Variants in DHRS3 observed in about 807,000 individuals in gnomAD.
DHRS3 encodes short-chain dehydrogenase/reductase 3.
In DHRS3, 14 loss-of-function variants were observed where a neutral mutation model predicts 27.2. The observed-to-expected ratio is 0.52, with a 90% confidence interval of 0.34 to 0.81. DHRS3 has a LOEUF of 0.81. Ranked by LOEUF, DHRS3 falls within the 30% of genes least tolerant of loss-of-function variation. The probability of loss-of-function intolerance (pLI) is 0.01; values close to 1 mark genes in which losing one functional copy is unlikely to be tolerated. For synonymous variants in DHRS3, 165 were observed against 175.9 expected (o/e 0.94, Z 0.49); for missense variants, 322 against 406.2 (o/e 0.79, Z 1.78).
chr1:12,596,831 T>C (rs1048893986), intron 1 of DHRS3, among the ~76,000 whole-genome samples: 2 of 152,114 alleles, frequency 1.3e-5, no homozygotes, highest in African/African-American at 4.8e-5. Flanking sequence ...GTCAGAAGCC[T>C]CAGGTGCAGG....
intron 1 of DHRS3, chr1:12,596,066 C>T (rs965964828): frequency 1.3e-5 from 2 of 152,458 alleles, no homozygotes; most frequent in Admixed American, 1.3e-4. Context: ...CACACGCGCT[C>T]CTCCGCCGGC....
intron 1 of DHRS3, among the ~76,000 whole-genome samples, chr1:12,589,254 G>A (rs1158902049): frequency 6.6e-6 from 1 of 152,172 alleles, no homozygotes; most frequent in Non-Finnish European, 1.5e-5. Context: ...ACCCTTTCTC[G>A]AGTAGAGCAG....
At chr1:12,585,337 C>G (rs1480317821) in intron 1 of DHRS3, among the ~76,000 whole-genome samples, 4 of 145,088 alleles carry the variant, frequency 2.8e-5, no homozygotes, top group African/African-American at 1.0e-4. Context: ...CTCTGTGTGT[C>G]TGTGTCTCTG....
chr1:12,599,427 C>T lies in DHRS3; in HGVS notation c.195+17727G>A, dbSNP rs543352722. Among the ~76,000 whole-genome samples, 354 of 152,392 alleles carry T rather than the reference C, an allele frequency of 2.3e-3. 1 individual carries two copies. Among genetic ancestry groups the T allele is most frequent in the Non-Finnish European group, 3.6e-3 (247 of 68,032 alleles). ...CTCAGAGAGCATCACATCCCTCCAA[C>T]ATCAGAGAATTCTGTGGAAAATCAG... On this transcript the variant is annotated intron_variant, in intron 1 of 5. Coordinates refer to ENST00000616661, the MANE Select transcript of DHRS3 (RefSeq NM_004753.7).
intron 1 of DHRS3, among the ~76,000 whole-genome samples, chr1:12,612,368 A>G (rs1646916348): frequency 6.6e-6 from 1 of 151,432 alleles, no homozygotes; most frequent in Non-Finnish European, 1.5e-5. Flanking sequence ...TGAGGTGTAA[A>G]CTCCCTGCTT....
rs142666360 is a variant in DHRS3, at chr1:12,609,018, G to A, written c.195+8136C>T. 4.6e-5 allele frequency among the ~76,000 whole-genome samples: 7 copies of A among 152,312 alleles called. No individual in the cohort carries two copies. The East Asian group carries it at 5.8e-4, about 13-fold the overall frequency. On this transcript the variant is annotated intron_variant, in intron 1 of 5. Coordinates refer to ENST00000616661, the MANE Select transcript of DHRS3 (RefSeq NM_004753.7). ...ACATGGACACAATACCCCAGAAGTCGTTTGACAAAGTAGGACTGAAAAGCA... is the reference window on the plus strand; with the variant it reads ...ACATGGACACAATACCCCAGAAGTCATTTGACAAAGTAGGACTGAAAAGCA...
chr1:12,604,372 T>A (rs1646855950), intron 1 of DHRS3, among the ~76,000 whole-genome samples: 1 of 152,236 alleles, frequency 6.6e-6, no homozygotes, highest in Non-Finnish European at 1.5e-5. Context: ...TTACCCTGCT[T>A]GTCAGTTTAC....
rs70987260 is a variant in DHRS3, at chr1:12,614,702, C to CTTTT, written c.195+2448_195+2451dup. Among the ~76,000 whole-genome samples the CTTTT allele has an allele frequency of 4.7e-3, 434 of 92,644 alleles. 13 individuals carry two copies. The highest frequency in any genetic ancestry group is 0.018 in the African/African-American group (403 of 22,806). The allele number at this position is 92,644 out of a possible 152,430, so 60.8% of individuals were successfully genotyped here. Reference sequence around the variant, plus strand: ...AGCTCTTTGCAGAGACTCTGGTACACTTTTTTTTTTTTTTTTTTTTTGCTT... The same window carrying CTTTT: ...AGCTCTTTGCAGAGACTCTGGTACACTTTTTTTTTTTTTTTTTTTTTTTTTGCTT... On this transcript the variant is annotated intron_variant, in intron 1 of 5. Transcript: ENST00000616661.
intron 5 of DHRS3, among the ~76,000 whole-genome samples, chr1:12,571,250 T>C (rs182238089): frequency 2.7e-3 from 408 of 152,332 alleles, no homozygotes; most frequent in African/African-American, 9.3e-3. Flanking sequence ...TGGAAAGTTC[T>C]AGGGGAATAG....
At chr1:12,587,603 A>C (rs1477971779) in intron 1 of DHRS3, among the ~76,000 whole-genome samples, 1 of 152,032 alleles carries the variant, frequency 6.6e-6, no homozygotes, top group Non-Finnish European at 1.5e-5. Flanking sequence ...GTGGCTTAGG[A>C]GGCTGAGGTG....
Position 12,617,895 on chromosome 1 carries a change from C to CT in DHRS3, c.-548dup, listed in dbSNP as rs1480271240. Among the ~76,000 whole-genome samples, 1 of 112,652 alleles carries CT rather than the reference C, an allele frequency of 8.9e-6. No individual in the cohort carries two copies. The highest frequency in any genetic ancestry group is 3.5e-5 in the African/African-American group (1 of 28,690). The allele number at this position is 112,652 out of a possible 152,430, so 73.9% of individuals were successfully genotyped here. A position where few individuals can be genotyped will look rare whatever the true frequency, so the allele number is the denominator to read the frequency against. ...AAAAAAAAAGTGGGGGGAAAAAGTGCTTGGAGCTCCCAATTTCAGCCCGCG... is the reference window on the plus strand; with the variant it reads ...AAAAAAAAAGTGGGGGGAAAAAGTGCTTTGGAGCTCCCAATTTCAGCCCGCG... On this transcript the variant is annotated 5_prime_UTR_variant, in exon 1 of 6. Transcript: ENST00000616661.
At chr1:12,583,383 CCCAT>C (rs747557934) in intron 1 of DHRS3, among the ~76,000 whole-genome samples, 31 of 138,180 alleles carry the variant, frequency 2.2e-4, no homozygotes, top group African/African-American at 4.3e-4. Flanking sequence ...CCCACCCCAC[CCCAT>C]CCATCCATCC....
Position 12,579,541 on chromosome 1 carries a change from T to A in DHRS3, c.340-129A>T, listed in dbSNP as rs1267372606. On this transcript the variant is annotated intron_variant, in intron 2 of 5. Transcript: ENST00000616661. ...TCCAGGCTGGAGTGCAGTGGCACCA[T>A]CTCGGCTCACTGCCACCTCCGCCTC... 47 of 1,376,650 alleles carry A rather than the reference T, an allele frequency of 3.4e-5. No individual in the cohort carries two copies. The East Asian group carries it at 1.2e-3, about 35-fold the overall frequency. The allele number at this position is 1,376,650 out of a possible 1,614,324, so 85.3% of individuals were successfully genotyped here.
intron 1 of DHRS3, among the ~76,000 whole-genome samples, chr1:12,601,121 T>C (rs1169227048): frequency 2.0e-5 from 3 of 151,986 alleles, no homozygotes; most frequent in Non-Finnish European, 4.4e-5. Context: ...AAGATGAGTG[T>C]TGTCCTTCCA....
rs572153933 is a variant in DHRS3 at position 12,591,029 on chromosome 1, C to T, written c.196-10363G>A. ...ATCGTGCGATTCTGTGGTTTTGTCC[C>T]ACTCAAGGCTGTTTCTAGGGGAGGA... On this transcript the variant is annotated intron_variant, in intron 1 of 5. Coordinates refer to ENST00000616661, the MANE Select transcript of DHRS3 (RefSeq NM_004753.7). This position sits in a 1 kb window ranked among gnomAD's most constrained non-coding sequence, Gnocchi z 4.1. 6.6e-6 allele frequency among the ~76,000 whole-genome samples: 1 copy of T among 152,310 alleles called. No homozygotes were observed. Among genetic ancestry groups the T allele is most frequent in the South Asian group, 2.1e-4 (1 of 4,830 alleles).
rs777915818 is a variant in DHRS3, at chr1:12,578,838, G to A, written c.578C>T (p.Ala193Val). ...PGAIDYCTSK[A>V]SAFAFMESLT... ...GCTCTCCATGAAGGCGAAGGCTGAC[G>A]CTTTGGATGTGCAGTAGTCGATGGC... is the stretch of plus-strand genomic sequence containing the variant. The change falls in exon 4 of 6, where the codon GCG becomes GTG. Residue 193 changes from alanine (A) to valine (V), a missense_variant. Transcript: ENST00000616661. This position sits in a 1 kb window ranked among gnomAD's most constrained non-coding sequence, Gnocchi z 4.5. 7.4e-6 allele frequency: 12 copies of A among 1,613,888 alleles called. No homozygotes were observed. Among genetic ancestry groups the A allele is most frequent in the Admixed American group, 1.7e-5 (1 of 60,006 alleles).
intron 1 of DHRS3, among the ~76,000 whole-genome samples, chr1:12,610,221 A>G (rs12092989): frequency 0.46 from 68,956 of 151,202 alleles, 17,436 homozygotes; most frequent in African/African-American, 0.69. Context: ...TGGGATTATA[A>G]GTGCGCTCTA....
intron 1 of DHRS3, among the ~76,000 whole-genome samples, chr1:12,589,449 C>T (rs183325063): frequency 9.8e-5 from 14 of 143,062 alleles, no homozygotes; most frequent in Non-Finnish European, 1.5e-4. Context: ...AGTGCAGTGG[C>T]GCGATCTCGG....
intron 4 of DHRS3, among the ~76,000 whole-genome samples, chr1:12,576,649 T>C (rs1316977024): frequency 6.6e-6 from 1 of 151,446 alleles, no homozygotes; most frequent in Non-Finnish European, 1.5e-5. Context: ...TATACTCAGA[T>C]GAAAAGAAAC....
Sources: allele counts gnomAD v4.1 joint callset (sites outside exome capture counted in the v4.1 genomes callset), GRCh38; gene constraint gnomAD v4.1.1; non-coding constraint Gnocchi (gnomAD v3.1); transcripts MANE v1.5; gene names NCBI Gene and HGNC (gene_info 2026-07-23, HGNC 2026-07-21).